The following CDH2 variants were observed in gnomAD, a reference collection of about 807,000 sequenced individuals.
The protein encoded by CDH2 is cadherin-2.
Under a neutral mutation model 92.0 loss-of-function variants are expected in CDH2, and 17 were observed. The ratio of observed to expected loss-of-function variants is 0.18; its 90% confidence interval spans 0.13 to 0.28. The LOEUF is 0.28. Among genes scored for constraint, CDH2 ranks in the 10% least tolerant of loss-of-function variants. The pLI, the probability that CDH2 is intolerant of heterozygous loss-of-function variation, is 1.00. For missense variants in CDH2, 862 were observed against 1,133.1 expected, an observed-to-expected ratio of 0.76 and a Z score of 3.44; for synonymous variants, 419 against 415.9, an observed-to-expected ratio of 1.01 and a Z score of -0.09.
intron 15 of CDH2, among the ~76,000 whole-genome samples, chr18:27,958,553 ATATT>A (rs1192669970): frequency 1.3e-5 from 2 of 149,756 alleles, no homozygotes; most frequent in Admixed American, 6.7e-5. Context: ...AAATACGTGT[ATATT>A]TATATATGTG....
At chr18:28,175,774 C>T (rs1434161473) in intron 1 of CDH2, among the ~76,000 whole-genome samples, 1 of 152,232 alleles carries the variant, frequency 6.6e-6, no homozygotes, top group Non-Finnish European at 1.5e-5. Context: ...GAGCACCTCT[C>T]CCCTTGCCCC....
intron 1 of CDH2, among the ~76,000 whole-genome samples, chr18:28,155,744 CACG>C (rs1187812596): frequency 3.9e-5 from 6 of 152,296 alleles, no homozygotes; most frequent in African/African-American, 1.4e-4. Flanking sequence ...GAACATTCAG[CACG>C]ACTAATTTTT....
Position 27,951,318 on chromosome 18 carries a change from T to C in CDH2, c.*835A>G, listed in dbSNP as rs1392451138. On this transcript the variant is annotated 3_prime_UTR_variant, in exon 16 of 16. Transcript: ENST00000269141. ...AACAATTGAATCAAATGTCACTGTT[T>C]TGTAAATACTTTATCCATAACGAAA... is the stretch of plus-strand genomic sequence containing the variant. 1 of 152,508 alleles carries C rather than the reference T, an allele frequency of 6.6e-6. No individual in the cohort carries two copies. Among genetic ancestry groups the C allele is most frequent in the Non-Finnish European group, 1.5e-5 (1 of 68,008 alleles). 9.4% of individuals were successfully genotyped at this position (152,508 alleles called of 1,614,324 possible). A position where few individuals can be genotyped will look rare whatever the true frequency, so the allele number is the denominator to read the frequency against.
chr18:28,154,204 T>C (rs1309965148), intron 1 of CDH2, among the ~76,000 whole-genome samples: 1 of 152,244 alleles, frequency 6.6e-6, no homozygotes, highest in Non-Finnish European at 1.5e-5. Context: ...GCTCTCTTTA[T>C]TCTGAAAACT....
chr18:28,049,400 A>G (rs1397621321), intron 2 of CDH2, among the ~76,000 whole-genome samples: 1 of 152,178 alleles, frequency 6.6e-6, no homozygotes, highest in East Asian at 1.9e-4. Flanking sequence ...ACCTTCTGCG[A>G]GAGAGGAAAC....
At chr18:28,066,630 T>C (rs2144157729) in intron 2 of CDH2, among the ~76,000 whole-genome samples, 1 of 152,218 alleles carries the variant, frequency 6.6e-6, no homozygotes, top group South Asian at 2.1e-4. Context: ...GAAAAGCTGC[T>C]ACAACTCTAC....
chr18:28,163,108 G>A (rs1437397210), intron 1 of CDH2, among the ~76,000 whole-genome samples: 1 of 152,058 alleles, frequency 6.6e-6, no homozygotes, highest in East Asian at 1.9e-4. Context: ...ACACTTCAAG[G>A]CAAACCAAAA....
chr18:28,047,570 A>C (rs2014101177), intron 2 of CDH2, among the ~76,000 whole-genome samples: 2 of 152,106 alleles, frequency 1.3e-5, no homozygotes, highest in Non-Finnish European at 2.9e-5. Context: ...GATTGCTTCC[A>C]TATAAAGAAT....
intron 1 of CDH2, among the ~76,000 whole-genome samples, chr18:28,170,035 T>G (rs2016441677): frequency 6.6e-6 from 1 of 152,218 alleles, no homozygotes; most frequent in Non-Finnish European, 1.5e-5. Context: ...ACCCAACTAT[T>G]ATAATCTCTC....
At position 27,984,992 on chromosome 18, in the gene CDH2, G is replaced by C. The variant is rs2143951574; in HGVS notation, c.2209+8C>G. The C allele has an allele frequency of 6.3e-7, 1 of 1,598,494 alleles. No individual in the cohort carries two copies. The highest frequency in any genetic ancestry group is 8.6e-7 in the Non-Finnish European group (1 of 1,165,816). ...AACTGAAATCTAAAAGACAATAAAA[G>C]TACTCACTAAGCAGGATGATGATGC... On this transcript the variant is annotated splice_region_variant and intron_variant, in intron 13 of 15. Transcript: ENST00000269141.
intron 2 of CDH2, among the ~76,000 whole-genome samples, chr18:28,024,393 T>C (rs939664434): frequency 2.0e-5 from 3 of 151,292 alleles, no homozygotes; most frequent in African/African-American, 7.3e-5. Context: ...AAACAGATTG[T>C]AGGCATGTAC....
At chr18:28,148,443 T>G (rs2144328833) in intron 1 of CDH2, among the ~76,000 whole-genome samples, 2 of 152,358 alleles carry the variant, frequency 1.3e-5, no homozygotes, top group Middle Eastern at 6.8e-3. Context: ...TATCATCATA[T>G]GCACAGTTAA....
chr18:28,008,825 A>G (rs1487934661), intron 5 of CDH2, among the ~76,000 whole-genome samples: 1 of 152,192 alleles, frequency 6.6e-6, no homozygotes, highest in African/African-American at 2.4e-5. Flanking sequence ...AGTGGGCAAA[A>G]TAAGAGTCTG....
intron 6 of CDH2, among the ~76,000 whole-genome samples, chr18:27,933,282 G>T (rs1908945255): frequency 6.6e-6 from 1 of 152,036 alleles, no homozygotes; most frequent in African/African-American, 2.4e-5. Flanking sequence ...CATATATAAA[G>T]GGAATTTATT....
At chr18:28,006,444 AC>A (rs1272626697) in intron 5 of CDH2, among the ~76,000 whole-genome samples, 1 of 152,068 alleles carries the variant, frequency 6.6e-6, no homozygotes, top group African/African-American at 2.4e-5. Flanking sequence ...TAGGCCAGGC[AC>A]GGTGGCTCAC....
rs2016557544 is a variant in CDH2, at chr18:28,177,051, C to G, written c.-29G>C. Reference sequence around the variant, plus strand: ...GGCGGAGAGGGGCCGAGCGAAGAGCCGGAGGAGGCGGCGGCGGCGGCGGCG... The same window carrying G: ...GGCGGAGAGGGGCCGAGCGAAGAGCGGGAGGAGGCGGCGGCGGCGGCGGCG... On this transcript the variant is annotated 5_prime_UTR_variant, in exon 1 of 16. Coordinates refer to ENST00000269141, the MANE Select transcript of CDH2 (RefSeq NM_001792.5). 1.4e-6 allele frequency: 2 copies of G among 1,471,514 alleles called. No individual in the cohort carries two copies. The highest frequency in any genetic ancestry group is 1.5e-5 in the African/African-American group (1 of 65,362). 91.2% of individuals were successfully genotyped at this position (1,471,514 alleles called of 1,614,324 possible).
chr18:28,141,446 C>CA (rs910330225), intron 2 of CDH2, among the ~76,000 whole-genome samples: 4 of 151,886 alleles, frequency 2.6e-5, no homozygotes, highest in African/African-American at 9.7e-5. Context: ...TATGGTTGCT[C>CA]AACACTGTGA....
chr18:28,136,130 A>G (rs1328747265), intron 2 of CDH2, among the ~76,000 whole-genome samples: 1 of 152,238 alleles, frequency 6.6e-6, no homozygotes, highest in Non-Finnish European at 1.5e-5. Context: ...TGAAAGACAA[A>G]GTAATAATGA....
intron 2 of CDH2, among the ~76,000 whole-genome samples, chr18:28,051,960 C>A (rs1567979660): frequency 6.6e-6 from 1 of 152,072 alleles, no homozygotes. Context: ...TTTATATATC[C>A]ATTTTATTGC....
Sources: allele counts gnomAD v4.1 joint callset (sites outside exome capture counted in the v4.1 genomes callset), GRCh38; gene constraint gnomAD v4.1.1; transcripts MANE v1.5; gene names NCBI Gene and HGNC (gene_info 2026-07-23, HGNC 2026-07-21).